GATA4: variants seen among roughly 807,000 people sequenced by gnomAD.
GATA4 encodes transcription factor GATA-4.
GATA4 carries 7 observed loss-of-function variants against 37.9 expected under a neutral mutation model. The ratio of observed to expected loss-of-function variants is 0.18; its 90% CI spans 0.11 to 0.35. The LOEUF (loss-of-function observed/expected upper bound fraction) is 0.35, where lower values mean the gene tolerates loss of function less well. GATA4 is among the 10% of genes least tolerant of loss of function. GATA4 has a pLI of 1.00. For missense variants in GATA4, 647 were observed against 653.0 expected (o/e 0.99, Z 0.10); for synonymous variants, 372 against 292.6 (o/e 1.27, Z -2.77).
chr8:11,737,679 C>T (rs922627711), intron 2 of GATA4, among the ~76,000 whole-genome samples: 4 of 152,160 alleles, frequency 2.6e-5, no homozygotes, highest in Non-Finnish European at 5.9e-5. Context: ...TTCAGGAGTG[C>T]AGCAAAGCTG....
chr8:11,752,817 A>T (rs536618073), intron 4 of GATA4, among the ~76,000 whole-genome samples: 25 of 152,362 alleles, frequency 1.6e-4, no homozygotes, highest in Non-Finnish European at 3.2e-4. Flanking sequence ...GGCTAAAGTT[A>T]TGAACATTCA....
At chr8:11,720,593 C>A (rs1175985960) in intron 2 of GATA4, among the ~76,000 whole-genome samples, 2 of 152,110 alleles carry the variant, frequency 1.3e-5, no homozygotes. Context: ...TACTCGTCTC[C>A]CTCCTCCCAC....
Position 11,681,502 on chromosome 8 carries a change from G to A in GATA4, c.-274+4439G>A, listed in dbSNP as rs879682101. 7.2e-5 allele frequency: 69 copies of A among 963,986 alleles called. 2 individuals carry two copies. The African/African-American group carries it at 1.0e-3, about 14-fold the overall frequency. The allele number at this position is 963,986 out of a possible 1,614,324, so 59.7% of individuals were successfully genotyped here. A position where few individuals can be genotyped will look rare whatever the true frequency, so the allele number is the denominator to read the frequency against. ...GGGGTGCGGCGCTCGCGGGGGGGGG[G>A]GGGGGGATGGGGTCGGTCCCTCTCG... On this transcript the variant is annotated intron_variant, in intron 1 of 6. Transcript: ENST00000528712.
chr8:11,756,424 G>A (rs146576190), intron 5 of GATA4: 4,207 of 206,062 alleles, frequency 0.02, 78 homozygotes, highest in Middle Eastern at 0.065. Context: ...ATCACAGATA[G>A]AGAAGACATA....
intron 1 of GATA4, chr8:11,681,077 T>A (rs1381703306): frequency 3.1e-6 from 3 of 959,530 alleles, no homozygotes; most frequent in Non-Finnish European, 3.7e-6. Flanking sequence ...TGGAGGGACA[T>A]TGAGGGGCAT....
intron 5 of GATA4, chr8:11,756,650 T>G: frequency 2.0e-6 from 1 of 511,408 alleles, no homozygotes; most frequent in Non-Finnish European, 3.5e-6. Context: ...TACACAGTAT[T>G]TGGATTTTTA....
At position 11,709,831 on chromosome 8, in the gene GATA4, G is replaced by T. The variant is rs1319806046; in HGVS notation, c.616+903G>T. 6.6e-6 allele frequency among the ~76,000 whole-genome samples: 1 copy of T among 152,182 alleles called. No homozygotes were observed. Among genetic ancestry groups the T allele is most frequent in the Admixed American group, 6.5e-5 (1 of 15,288 alleles). ...CACAAATAAACGCAGCGGGATCTGAGAAGGGGCCTGAGTACACGGGCCGGG... is the reference window on the plus strand; with the variant it reads ...CACAAATAAACGCAGCGGGATCTGATAAGGGGCCTGAGTACACGGGCCGGG... On this transcript the variant is annotated intron_variant, in intron 2 of 6. Coordinates refer to ENST00000532059, the MANE Select transcript of GATA4 (RefSeq NM_001308093.3). The surrounding 1 kb of genome is among the most constrained non-coding windows in gnomAD (Gnocchi z 4.3).
Position 11,758,549 on chromosome 8 carries a change from TC to T in GATA4, c.*77del. The stretch of plus-strand genomic sequence containing the variant: ...GATAGCAAAGAAGGAGGCCCTGGGC[TC>T]CCAGGGGCCGGCCTCCTCTGCCTGG... On this transcript the variant is annotated 3_prime_UTR_variant, in exon 7 of 7. Transcript: ENST00000532059. 1 of 1,480,246 alleles carries T rather than the reference TC, an allele frequency of 6.8e-7. No individual in the cohort carries two copies. The highest frequency in any genetic ancestry group is 9.4e-7 in the Non-Finnish European group (1 of 1,059,174). 91.7% of individuals were successfully genotyped at this position (1,480,246 alleles called of 1,614,324 possible). A position where few individuals can be genotyped will look rare whatever the true frequency, so the allele number is the denominator to read the frequency against.
intron 2 of GATA4, among the ~76,000 whole-genome samples, chr8:11,710,318 C>A (rs1042508336): frequency 6.6e-6 from 1 of 152,140 alleles, no homozygotes; most frequent in African/African-American, 2.4e-5. Flanking sequence ...AGCCTCGCCG[C>A]GACTTTTGCG....
intron 4 of GATA4, among the ~76,000 whole-genome samples, chr8:11,753,726 C>G (rs1285800334): frequency 6.6e-6 from 1 of 152,124 alleles, no homozygotes; most frequent in Non-Finnish European, 1.5e-5. Flanking sequence ...AAATAGGAGG[C>G]CAGTTCAAGT....
intron 4 of GATA4, among the ~76,000 whole-genome samples, chr8:11,754,282 T>C (rs1366393192): frequency 6.6e-6 from 1 of 152,234 alleles, no homozygotes; most frequent in Non-Finnish European, 1.5e-5. Context: ...AGTGGCACGA[T>C]CACGGCTTGC....
At chr8:11,695,101 G>T (rs577657157) in intron 1 of GATA4, among the ~76,000 whole-genome samples, 2 of 152,190 alleles carry the variant, frequency 1.3e-5, no homozygotes, top group South Asian at 4.1e-4. Context: ...AATGGAAATT[G>T]ACTTAAGAAT....
At chr8:11,757,686 C>T (rs1041940129) in intron 6 of GATA4, among the ~76,000 whole-genome samples, 2 of 152,202 alleles carry the variant, frequency 1.3e-5, no homozygotes, top group Admixed American at 6.5e-5. Flanking sequence ...CAGCTCTGCA[C>T]GTGTGTCAGG....
At chr8:11,698,881 C>G (rs1799584856) in intron 1 of GATA4, among the ~76,000 whole-genome samples, 1 of 152,124 alleles carries the variant, frequency 6.6e-6, no homozygotes, top group Non-Finnish European at 1.5e-5. Flanking sequence ...GCAGATGAAG[C>G]CACCAGGGAG....
intron 2 of GATA4, among the ~76,000 whole-genome samples, chr8:11,748,586 G>A (rs117831387): frequency 2.6e-5 from 4 of 152,286 alleles, no homozygotes; most frequent in East Asian, 1.9e-4. Context: ...CAAGGTTTGC[G>A]TGGACCTCAG....
Position 11,707,239 on chromosome 8 carries a change from G to A in GATA4, c.-457-617G>A, listed in dbSNP as rs1799926466. Among the ~76,000 whole-genome samples the A allele has an allele frequency of 6.6e-6, 1 of 151,930 alleles. No homozygotes were observed. Among genetic ancestry groups the A allele is most frequent in the African/African-American group, 2.4e-5 (1 of 41,356 alleles). ...TTGACGTCCACATGGTTAGTGTATGGATGAGGGTTTCAGAACCCTCTTCAG... is the reference window on the plus strand; with the variant it reads ...TTGACGTCCACATGGTTAGTGTATGAATGAGGGTTTCAGAACCCTCTTCAG... On this transcript the variant is annotated intron_variant, in intron 1 of 6. Transcript: ENST00000532059. This position sits in a 1 kb window ranked among gnomAD's most constrained non-coding sequence, Gnocchi z 4.7.
chr8:11,737,361 G>A (rs1801513572), intron 2 of GATA4, among the ~76,000 whole-genome samples: 2 of 152,162 alleles, frequency 1.3e-5, no homozygotes, highest in Admixed American at 1.3e-4. Flanking sequence ...GCAGGCCATG[G>A]GCCTGGAAGG....
chr8:11,705,348 C>T (rs1165065112), intron 1 of GATA4, among the ~76,000 whole-genome samples: 1 of 152,222 alleles, frequency 6.6e-6, no homozygotes, highest in Non-Finnish European at 1.5e-5. Context: ...TTGGTTGTGC[C>T]GGCTAGCGTG....
At chr8:11,688,602 G>A (rs1013607625), upstream of GATA4, among the ~76,000 whole-genome samples, 3 of 152,138 alleles carry the variant, frequency 2.0e-5, no homozygotes, top group Non-Finnish European at 2.9e-5. Flanking sequence ...GTGATGCCCA[G>A]AGTCAGTGGG....
Sources: allele counts gnomAD v4.1 joint callset (sites outside exome capture counted in the v4.1 genomes callset), GRCh38; gene constraint gnomAD v4.1.1; non-coding constraint Gnocchi (gnomAD v3.1); transcripts MANE v1.5; gene names NCBI Gene and HGNC (gene_info 2026-07-23, HGNC 2026-07-21).